The following UST variants were observed in gnomAD, a reference collection of about 807,000 sequenced individuals.
UST encodes uronyl 2-sulfotransferase.
Under a neutral mutation model 45.6 loss-of-function variants are expected in UST, and 21 were observed. The observed-to-expected ratio is 0.46, with a 90% CI of 0.33 to 0.66. UST has a LOEUF of 0.66. Among genes scored for constraint, UST ranks in the 30% least tolerant of loss-of-function variants. The pLI is 0.02. For synonymous variants in UST, 215 were observed against 200.6 expected, an observed-to-expected ratio of 1.07 and a Z score of -0.61; for missense variants, 463 against 512.4, an observed-to-expected ratio of 0.90 and a Z score of 0.93.
chr6:148,838,294 G>A lies in UST; in HGVS notation c.248-48692G>A, dbSNP rs779163609. Among the ~76,000 whole-genome samples the A allele has an allele frequency of 1.2e-4, 18 of 152,284 alleles. No homozygotes were observed. The South Asian group carries it at 2.1e-3, about 18-fold the overall frequency. On this transcript the variant is annotated intron_variant, in intron 1 of 7. Coordinates refer to ENST00000367463, the MANE Select transcript of UST (RefSeq NM_005715.3). Reference sequence around the variant, plus strand: ...GGTGGACTCAAGGAGCAGAAGGAAGGCCAGCGTGTGCAGGTGATGGTGAGT... The same window carrying A: ...GGTGGACTCAAGGAGCAGAAGGAAGACCAGCGTGTGCAGGTGATGGTGAGT...
chr6:148,846,167 A>T (rs1239983933), intron 1 of UST, among the ~76,000 whole-genome samples: 1 of 151,206 alleles, frequency 6.6e-6, no homozygotes, highest in African/African-American at 2.4e-5. Context: ...TTGCGGCACT[A>T]TTCACAATAG....
intron 1 of UST, among the ~76,000 whole-genome samples, chr6:148,861,951 T>C (rs1056569775): frequency 6.9e-6 from 1 of 144,946 alleles, no homozygotes; most frequent in Admixed American, 7.0e-5. Flanking sequence ...GTGTGATGTG[T>C]GCTGAGAAGA....
intron 2 of UST, among the ~76,000 whole-genome samples, chr6:148,903,504 AAT>A (rs1172365977): frequency 9.2e-5 from 14 of 152,364 alleles, no homozygotes; most frequent in Admixed American, 8.5e-4. Flanking sequence ...TATTCAAGAA[AAT>A]ATGTTTCCTT....
intron 4 of UST, among the ~76,000 whole-genome samples, chr6:148,962,204 C>T (rs1780674448): frequency 6.6e-6 from 1 of 152,252 alleles, no homozygotes; most frequent in Non-Finnish European, 1.5e-5. Context: ...TTCTGGAAGT[C>T]TTGCATTGGA....
chr6:148,874,212 TG>T (rs1255441371), intron 1 of UST, among the ~76,000 whole-genome samples: 5 of 152,248 alleles, frequency 3.3e-5, no homozygotes, highest in Admixed American at 6.5e-5. Context: ...GATGAATTCC[TG>T]AGCTAATTTG....
chr6:148,911,764 T>A (rs563860650), intron 2 of UST, among the ~76,000 whole-genome samples: 3 of 152,314 alleles, frequency 2.0e-5, no homozygotes, highest in East Asian at 3.9e-4. Context: ...GTATATTGTC[T>A]CCATTCCTTT....
intron 7 of UST, among the ~76,000 whole-genome samples, chr6:149,065,881 G>A (rs1485187106): frequency 1.3e-5 from 2 of 152,094 alleles, no homozygotes; most frequent in Non-Finnish European, 2.9e-5. Flanking sequence ...GGAAAACGAA[G>A]GTCAAAAAAG....
At chr6:149,063,289 A>G (rs921389604) in intron 7 of UST, among the ~76,000 whole-genome samples, 2 of 152,234 alleles carry the variant, frequency 1.3e-5, no homozygotes, top group African/African-American at 4.8e-5. Flanking sequence ...TGAACACTTC[A>G]TAGCTCAAAA....
intron 7 of UST, among the ~76,000 whole-genome samples, chr6:149,026,181 T>A (rs1002897438): frequency 2.7e-5 from 4 of 147,932 alleles, no homozygotes; most frequent in African/African-American, 9.9e-5. Flanking sequence ...CCTGATGGCA[T>A]GTGCCTGTGG....
intron 2 of UST, among the ~76,000 whole-genome samples, chr6:148,939,165 T>C (rs1459716858): frequency 1.3e-5 from 2 of 152,008 alleles, no homozygotes; most frequent in African/African-American, 4.8e-5. Flanking sequence ...GCATGAGCAA[T>C]GAAAACAACA....
At chr6:148,848,833 T>C (rs1778048372) in intron 1 of UST, among the ~76,000 whole-genome samples, 2 of 152,162 alleles carry the variant, frequency 1.3e-5, no homozygotes, top group Non-Finnish European at 2.9e-5. Flanking sequence ...ATAGGCTCTC[T>C]TCGAGCCGGA....
In UST at chr6:148,755,948, C is replaced by T. The variant is rs571132062; in HGVS notation, c.247+8271C>T. On this transcript the variant is annotated intron_variant, in intron 1 of 7. Coordinates refer to ENST00000367463, the MANE Select transcript of UST (RefSeq NM_005715.3). ...CGTATACATGTGCCATCTTGGTGTG[C>T]TGCACCCATTAACTCGTCATTTACA... is the stretch of plus-strand genomic sequence containing the variant. Among the ~76,000 whole-genome samples, 16 of 151,974 alleles carry T rather than the reference C, an allele frequency of 1.1e-4. No individual in the cohort carries two copies. In the East Asian group the frequency reaches 3.1e-3, roughly 30 times the overall value.
chr6:149,044,621 C>T (rs1009734096), intron 7 of UST, among the ~76,000 whole-genome samples: 15 of 152,124 alleles, frequency 9.9e-5, no homozygotes, highest in African/African-American at 3.1e-4. Context: ...GAGTGGTGCC[C>T]GCTCTGCCTC....
At chr6:148,846,348 C>CA (rs1478636004) in intron 1 of UST, among the ~76,000 whole-genome samples, 2 of 150,752 alleles carry the variant, frequency 1.3e-5, no homozygotes, top group Non-Finnish European at 1.5e-5. Context: ...ATCGCAAGGA[C>CA]AAAAAACCAA....
intron 7 of UST, among the ~76,000 whole-genome samples, chr6:149,033,893 A>C (rs1320837665): frequency 2.0e-5 from 3 of 152,200 alleles, no homozygotes; most frequent in African/African-American, 7.2e-5. Flanking sequence ...TTCCTATTCC[A>C]ACCCTCCCAA....
At chr6:149,065,059 T>C (rs1776712059) in intron 7 of UST, among the ~76,000 whole-genome samples, 1 of 152,204 alleles carries the variant, frequency 6.6e-6, no homozygotes, top group African/African-American at 2.4e-5. Context: ...GAAGTTACTC[T>C]CAGTTCCTGC....
intron 1 of UST, among the ~76,000 whole-genome samples, chr6:148,859,336 G>A (rs7743969): frequency 0.016 from 2,450 of 152,264 alleles, 47 homozygotes; most frequent in South Asian, 0.084. Context: ...TTTTGATGGG[G>A]TTGTTTGATT....
At chr6:148,802,583 A>T (rs769312153) in intron 1 of UST, among the ~76,000 whole-genome samples, 5 of 152,116 alleles carry the variant, frequency 3.3e-5, no homozygotes, top group Non-Finnish European at 7.4e-5. Flanking sequence ...TCTCTCTCTC[A>T]TGCTGTTTCC....
intron 1 of UST, among the ~76,000 whole-genome samples, chr6:148,833,539 A>C (rs1347963374): frequency 1.3e-5 from 2 of 152,130 alleles, no homozygotes; most frequent in Non-Finnish European, 2.9e-5. Context: ...TAGAAAGAAA[A>C]CTTAGCCTTG....
Sources: gnomAD v4.1 joint callset for allele counts (sites outside exome capture counted in the v4.1 genomes callset) on GRCh38, gnomAD v4.1.1 for gene constraint, MANE v1.5 for transcripts, NCBI Gene and HGNC (gene_info 2026-07-23, HGNC 2026-07-21) for gene names.